The following ERBB4 variants were observed in gnomAD, a reference collection of about 807,000 sequenced individuals.
The protein encoded by ERBB4 is erb-b2 receptor tyrosine kinase 4.
ERBB4 carries 42 observed loss-of-function variants against 158.0 expected under a neutral mutation model. The ratio of observed to expected loss-of-function variants is 0.27; its 90% CI spans 0.21 to 0.34. The LOEUF is 0.34. Ranked by LOEUF, ERBB4 falls within the 10% of genes least tolerant of loss-of-function variation. The pLI is 1.00. For missense variants in ERBB4, 1,333 were observed against 1,624.1 expected (o/e 0.82, Z 3.08); for synonymous variants, 583 against 558.7 (o/e 1.04, Z -0.61).
At chr2:211,603,197 C>G (rs914106918) in intron 19 of ERBB4, among the ~76,000 whole-genome samples, 6 of 152,064 alleles carry the variant, frequency 3.9e-5, no homozygotes, top group African/African-American at 1.4e-4. Flanking sequence ...CGTCACTGCA[C>G]TGCAGCCCGG....
chr2:212,534,150 C>CCTAA (rs1396980245), intron 1 of ERBB4, among the ~76,000 whole-genome samples: 1 of 152,146 alleles, frequency 6.6e-6, no homozygotes, highest in Non-Finnish European at 1.5e-5. Context: ...GTTAACTTTT[C>CCTAA]CTAATAACCA....
intron 1 of ERBB4, among the ~76,000 whole-genome samples, chr2:212,225,861 C>CTGTG (rs2083451323): frequency 6.6e-6 from 1 of 151,994 alleles, no homozygotes; most frequent in Admixed American, 6.6e-5. Flanking sequence ...TGTGTTCAGG[C>CTGTG]TGTGTGTAAT....
chr2:211,808,419 T>C (rs2076669554), intron 3 of ERBB4, among the ~76,000 whole-genome samples: 3 of 152,170 alleles, frequency 2.0e-5, no homozygotes. Flanking sequence ...GTCAGGTTTG[T>C]CAAGGATCAT....
intron 1 of ERBB4, among the ~76,000 whole-genome samples, chr2:212,327,809 T>G (rs1450394553): frequency 6.7e-6 from 1 of 150,218 alleles, no homozygotes; most frequent in Non-Finnish European, 1.5e-5. Flanking sequence ...TAAAAATTAT[T>G]GGATTGTACA....
At chr2:211,700,058 T>A (rs1282455026) in intron 12 of ERBB4, among the ~76,000 whole-genome samples, 1 of 152,158 alleles carries the variant, frequency 6.6e-6, no homozygotes, top group Admixed American at 6.5e-5. Flanking sequence ...TATATATTTC[T>A]TTACATTATT....
chr2:211,388,548 T>C (rs1187054627), intron 25 of ERBB4, among the ~76,000 whole-genome samples: 8 of 152,042 alleles, frequency 5.3e-5, no homozygotes, highest in African/African-American at 1.9e-4. Context: ...TATGCTATTT[T>C]ATCTTCAGTC....
chr2:211,782,194 A>G (rs915577700), intron 4 of ERBB4, among the ~76,000 whole-genome samples: 4 of 151,818 alleles, frequency 2.6e-5, no homozygotes, highest in African/African-American at 9.7e-5. Context: ...GGTTCATAAA[A>G]CTTTCAGAAC....
intron 19 of ERBB4, among the ~76,000 whole-genome samples, chr2:211,611,730 G>T (rs1041673083): frequency 3.3e-5 from 5 of 152,236 alleles, no homozygotes; most frequent in African/African-American, 1.2e-4. Context: ...AAGGAGAAGA[G>T]ATCCTGATGC....
intron 25 of ERBB4, among the ~76,000 whole-genome samples, chr2:211,388,307 A>C (rs1022777498): frequency 6.6e-6 from 1 of 152,202 alleles, no homozygotes; most frequent in African/African-American, 2.4e-5. Flanking sequence ...AGGAAAGGAA[A>C]AGTAGTAAAT....
In ERBB4 at chr2:211,383,428, C is replaced by T. The variant is rs1357460959; in HGVS notation, c.*187G>A. 1 of 602,906 alleles carries T rather than the reference C, an allele frequency of 1.7e-6. No homozygotes were observed. The highest frequency in any genetic ancestry group is 2.8e-5 in the East Asian group (1 of 35,586). The allele number at this position is 602,906 out of a possible 1,614,324, so 37.3% of individuals were successfully genotyped here. Reference sequence around the variant, plus strand: ...AAACATTGTGGTTCCTCCTATCTTTCTCTTTCAGTCTTTCCCTCTAATGTT... The same window carrying T: ...AAACATTGTGGTTCCTCCTATCTTTTTCTTTCAGTCTTTCCCTCTAATGTT... On this transcript the variant is annotated 3_prime_UTR_variant, in exon 28 of 28. Transcript: ENST00000342788.
chr2:212,366,224 A>G (rs936172064), intron 1 of ERBB4, among the ~76,000 whole-genome samples: 1 of 151,958 alleles, frequency 6.6e-6, no homozygotes, highest in African/African-American at 2.4e-5. Context: ...TTACTACTGC[A>G]TATCTGATAT....
intron 3 of ERBB4, among the ~76,000 whole-genome samples, chr2:211,806,838 G>T (rs1028956423): frequency 1.3e-5 from 2 of 151,472 alleles, no homozygotes; most frequent in African/African-American, 2.4e-5. Flanking sequence ...AAAGTTGCAT[G>T]AATGTAAAAA....
At chr2:212,519,125 C>G (rs553872957) in intron 1 of ERBB4, among the ~76,000 whole-genome samples, 13 of 152,024 alleles carry the variant, frequency 8.6e-5, no homozygotes, top group Non-Finnish European at 1.5e-4. Context: ...TTTCTACACT[C>G]TTTTTCTCAA....
chr2:211,918,043 G>A (rs2079749124), intron 3 of ERBB4, among the ~76,000 whole-genome samples: 1 of 152,166 alleles, frequency 6.6e-6, no homozygotes. Context: ...ACAGAACTTT[G>A]AAAGTCAAGA....
At chr2:212,453,987 C>G (rs1688140735) in intron 1 of ERBB4, among the ~76,000 whole-genome samples, 1 of 150,698 alleles carries the variant, frequency 6.6e-6, no homozygotes, top group Non-Finnish European at 1.5e-5. Context: ...ATTGCCCAAG[C>G]TGGAATGCAG....
At chr2:211,426,026 G>A (rs1574467492) in intron 22 of ERBB4, among the ~76,000 whole-genome samples, 1 of 151,968 alleles carries the variant, frequency 6.6e-6, no homozygotes, top group African/African-American at 2.4e-5. Flanking sequence ...ACTTAGGTAG[G>A]TAGTTATAAA....
chr2:211,897,440 C>CAAAA (rs199740793), intron 3 of ERBB4, among the ~76,000 whole-genome samples: 6 of 101,158 alleles, frequency 5.9e-5, no homozygotes, highest in African/African-American at 2.1e-4. Context: ...GTATAATTTG[C>CAAAA]AAAAAAAAAA....
intron 21 of ERBB4, among the ~76,000 whole-genome samples, chr2:211,428,766 A>T (rs989559195): frequency 1.3e-5 from 2 of 152,152 alleles, no homozygotes; most frequent in Admixed American, 1.3e-4. Flanking sequence ...CACCCAGGCT[A>T]GAGTGCAATG....
intron 3 of ERBB4, among the ~76,000 whole-genome samples, chr2:211,821,460 G>T (rs745946260): frequency 2.0e-5 from 3 of 151,860 alleles, no homozygotes; most frequent in Non-Finnish European, 4.4e-5. Context: ...GCAATCTACA[G>T]ATTCAATGCA....
Sources: allele counts gnomAD v4.1 joint callset (sites outside exome capture counted in the v4.1 genomes callset), GRCh38; gene constraint gnomAD v4.1.1; transcripts MANE v1.5; gene names NCBI Gene and HGNC (gene_info 2026-07-23, HGNC 2026-07-21).